Variants in SOX5 observed in about 807,000 individuals in gnomAD.
The protein encoded by SOX5 is SRY-box transcription factor 5, also known as transcription factor SOX-5.
Under a neutral mutation model 92.0 loss-of-function variants are expected in SOX5, and 9 were observed. That is an observed-to-expected ratio of 0.10 (90% CI 0.06 to 0.17). The LOEUF (loss-of-function observed/expected upper bound fraction) is 0.17, where lower values mean the gene tolerates loss of function less well. Among genes scored for constraint, SOX5 ranks in the 10% least tolerant of loss-of-function variants. The pLI is 1.00. For synonymous variants in SOX5, 344 were observed against 336.3 expected, an observed-to-expected ratio of 1.02 and a Z score of -0.25; for missense variants, 642 against 944.5, an observed-to-expected ratio of 0.68 and a Z score of 4.20.
At chr12:24,487,026 A>G (rs1946593921) in intron 1 of SOX5, among the ~76,000 whole-genome samples, 1 of 152,150 alleles carries the variant, frequency 6.6e-6, no homozygotes, top group Non-Finnish European at 1.5e-5. Context: ...GGGGAGAGTG[A>G]GTTATATATT....
At chr12:23,925,395 C>T (rs561890847) in intron 1 of SOX5, among the ~76,000 whole-genome samples, 15 of 152,016 alleles carry the variant, frequency 9.9e-5, no homozygotes, top group East Asian at 1.9e-4. Context: ...CATAGCTGGT[C>T]CGTGACATCA....
intron 3 of SOX5, among the ~76,000 whole-genome samples, chr12:23,815,564 A>G (rs2095974467): frequency 6.6e-6 from 1 of 152,228 alleles, no homozygotes; most frequent in Admixed American, 6.5e-5. Flanking sequence ...ATGCCTGAAA[A>G]GAACTACAAA....
intron 2 of SOX5, among the ~76,000 whole-genome samples, chr12:24,314,082 C>A (rs185603911): frequency 1.2e-3 from 176 of 152,288 alleles, no homozygotes; most frequent in African/African-American, 4.1e-3. Context: ...TGCCACCATG[C>A]TGATCTAATC....
intron 4 of SOX5, among the ~76,000 whole-genome samples, chr12:24,010,160 C>T (rs904235644): frequency 2.8e-4 from 42 of 152,108 alleles, no homozygotes; most frequent in African/African-American, 8.7e-4. Context: ...GTGCCAGAAA[C>T]TTTTCCATTT....
At chr12:24,002,104 A>G (rs1296771895) in intron 4 of SOX5, among the ~76,000 whole-genome samples, 2 of 152,198 alleles carry the variant, frequency 1.3e-5, no homozygotes, top group Non-Finnish European at 2.9e-5. Flanking sequence ...AGAAAATAAA[A>G]AAAGTTCTCA....
intron 4 of SOX5, among the ~76,000 whole-genome samples, chr12:23,992,710 T>C (rs1287611849): frequency 6.6e-6 from 1 of 152,184 alleles, no homozygotes; most frequent in Non-Finnish European, 1.5e-5. Context: ...TTTAATTTCT[T>C]CTTTGAGGTC....
chr12:24,406,232 A>G (rs1962917937), intron 1 of SOX5, among the ~76,000 whole-genome samples: 1 of 152,198 alleles, frequency 6.6e-6, no homozygotes, highest in Non-Finnish European at 1.5e-5. Flanking sequence ...ACACCAAATC[A>G]GAGGCCAGAG....
intron 4 of SOX5, among the ~76,000 whole-genome samples, chr12:24,182,471 T>C (rs1349619216): frequency 6.6e-6 from 1 of 152,192 alleles, no homozygotes; most frequent in Non-Finnish European, 1.5e-5. Flanking sequence ...CAATATATTA[T>C]AGGTCTTTTC....
intron 4 of SOX5, among the ~76,000 whole-genome samples, chr12:23,745,957 G>A (rs927084776): frequency 1.4e-4 from 21 of 152,090 alleles, no homozygotes; most frequent in South Asian, 2.1e-4. Context: ...ATCTAACACC[G>A]TTTAATGAAT....
chr12:23,734,497 G>A (rs1266899931), intron 6 of SOX5, among the ~76,000 whole-genome samples, 187 bp downstream of exon 6: 1 of 152,154 alleles, frequency 6.6e-6, no homozygotes, highest in African/African-American at 2.4e-5. Flanking sequence ...GAAGCTCCCT[G>A]ACACAGTAGG....
At chr12:24,398,183 A>C (rs1466134591) in intron 1 of SOX5, among the ~76,000 whole-genome samples, 1 of 152,146 alleles carries the variant, frequency 6.6e-6, no homozygotes, top group Non-Finnish European at 1.5e-5. Context: ...ATAATCATTC[A>C]TTCTTTCCTC....
chr12:23,861,620 AG>A (rs1279381259), intron 2 of SOX5, among the ~76,000 whole-genome samples: 4 of 152,170 alleles, frequency 2.6e-5, no homozygotes, highest in Admixed American at 6.6e-5. Flanking sequence ...TGATAATAAA[AG>A]TATTTACTCT....
intron 4 of SOX5, among the ~76,000 whole-genome samples, chr12:24,127,210 GC>G (rs1163903136): frequency 2.6e-5 from 4 of 151,530 alleles, no homozygotes; most frequent in African/African-American, 9.7e-5. Context: ...GGGCAACATG[GC>G]AAAACCCTGT....
At chr12:23,620,116 C>T (rs1480299582) in intron 8 of SOX5, among the ~76,000 whole-genome samples, 3 of 151,998 alleles carry the variant, frequency 2.0e-5, no homozygotes, top group Admixed American at 2.0e-4. Context: ...CTATGAATAC[C>T]TGGAGGTCAG....
chr12:24,291,806 T>C (rs1055305022), intron 2 of SOX5, among the ~76,000 whole-genome samples: 1 of 152,208 alleles, frequency 6.6e-6, no homozygotes, highest in African/African-American at 2.4e-5. Flanking sequence ...AGACTGTTTT[T>C]ATAGGACAGT....
At chr12:24,517,331 CA>C (rs1456795413) in intron 1 of SOX5, among the ~76,000 whole-genome samples, 3 of 152,144 alleles carry the variant, frequency 2.0e-5, no homozygotes, top group African/African-American at 7.2e-5. Context: ...GCCCCTAATA[CA>C]GGAGGGGCAA....
At chr12:23,915,319 G>C (rs752750115) in intron 1 of SOX5, among the ~76,000 whole-genome samples, 5 of 152,002 alleles carry the variant, frequency 3.3e-5, no homozygotes, top group Non-Finnish European at 7.4e-5. Flanking sequence ...GTTAGGATAC[G>C]ACACAATCTA....
intron 2 of SOX5, among the ~76,000 whole-genome samples, chr12:24,352,194 T>C (rs550407664): frequency 6.6e-6 from 1 of 152,242 alleles, no homozygotes; most frequent in Non-Finnish European, 1.5e-5. Context: ...CTAACTGGTG[T>C]TTTCACAATA....
chr12:24,148,706 A>G (rs1227714923), intron 4 of SOX5, among the ~76,000 whole-genome samples: 12 of 116,546 alleles, frequency 1.0e-4, no homozygotes, highest in Non-Finnish European at 2.0e-4. Context: ...AAAAAAAAAA[A>G]AAAAAAAAAA....
Sources: gnomAD v4.1 joint callset for allele counts (sites outside exome capture counted in the v4.1 genomes callset) on GRCh38, gnomAD v4.1.1 for gene constraint, MANE v1.5 for transcripts, NCBI Gene and HGNC (gene_info 2026-07-23, HGNC 2026-07-21) for gene names.